The following MAGI2 variants were observed in gnomAD, a reference collection of about 807,000 sequenced individuals.
The protein encoded by MAGI2 is membrane-associated guanylate kinase, WW and PDZ domain-containing protein 2.
MAGI2 carries 35 observed loss-of-function variants against 133.3 expected under a neutral mutation model. The ratio of observed to expected loss-of-function variants is 0.26; its 90% CI spans 0.20 to 0.35. The LOEUF is 0.35. Among genes scored for constraint, MAGI2 ranks in the 10% least tolerant of loss-of-function variants. The pLI, the probability that MAGI2 is intolerant of heterozygous loss-of-function variation, is 1.00. For synonymous variants in MAGI2, 729 were observed against 710.6 expected (o/e 1.03, Z -0.41); for missense variants, 1,636 against 1,863.4 (o/e 0.88, Z 2.25).
At chr7:78,986,573 G>T (rs891310761) in intron 2 of MAGI2, among the ~76,000 whole-genome samples, 1 of 151,874 alleles carries the variant, frequency 6.6e-6, no homozygotes, top group Non-Finnish European at 1.5e-5. Context: ...CAAAGTAGAG[G>T]TGCAGTGGTG....
intron 3 of MAGI2, among the ~76,000 whole-genome samples, chr7:78,573,313 A>AATATATAAATAT (rs1181935965): frequency 6.0e-4 from 26 of 43,452 alleles, no homozygotes; most frequent in Admixed American, 1.9e-3. Context: ...TATATATATA[A>AATATATAAATAT]ATATATAAAT....
At chr7:78,652,235 C>G (rs1811655143) in intron 2 of MAGI2, among the ~76,000 whole-genome samples, 1 of 152,134 alleles carries the variant, frequency 6.6e-6, no homozygotes, top group Non-Finnish European at 1.5e-5. Context: ...GATTTCCTCA[C>G]TTGGATCTAT....
At chr7:78,477,114 G>C (rs1563057202) in intron 6 of MAGI2, among the ~76,000 whole-genome samples, 1 of 39,368 alleles carries the variant, frequency 2.5e-5, no homozygotes, top group Non-Finnish European at 4.0e-5. Flanking sequence ...CCATTTCTGA[G>C]AGAACTTTAT....
chr7:79,110,830 AG>A (rs1818867255), intron 1 of MAGI2, among the ~76,000 whole-genome samples: 1 of 152,128 alleles, frequency 6.6e-6, no homozygotes, highest in African/African-American at 2.4e-5. Flanking sequence ...TTTGGGTCAT[AG>A]GGGCAGATCC....
intron 1 of MAGI2, among the ~76,000 whole-genome samples, chr7:79,288,306 T>C (rs1387353764): frequency 6.6e-6 from 1 of 152,166 alleles, no homozygotes; most frequent in Non-Finnish European, 1.5e-5. Flanking sequence ...TTAAATGAGA[T>C]AGTCTCTATA....
chr7:79,443,729 C>T (rs1379975890), intron 1 of MAGI2, among the ~76,000 whole-genome samples: 4 of 152,192 alleles, frequency 2.6e-5, no homozygotes, highest in Admixed American at 6.5e-5. Context: ...TTTTGTGCTA[C>T]ACTTGATCCA....
Position 78,187,280 on chromosome 7 carries a change from CATT to C in MAGI2, c.2270-1613_2270-1611del, listed in dbSNP as rs762257199. Among the ~76,000 whole-genome samples, 5 of 151,880 alleles carry C rather than the reference CATT, an allele frequency of 3.3e-5. No individual in the cohort carries two copies. The East Asian group carries it at 9.6e-4, about 29-fold the overall frequency. ...TTGTTGCTTGGAAGAAATTTCATAC[CATT>C]ATTATTATTTTGGTCTATAAAATTA... On this transcript the variant is annotated intron_variant, in intron 12 of 21. Transcript: ENST00000354212.
intron 2 of MAGI2, among the ~76,000 whole-genome samples, chr7:78,909,495 C>A (rs1798237985): frequency 6.7e-6 from 1 of 149,118 alleles, no homozygotes; most frequent in Non-Finnish European, 1.5e-5. Context: ...TCCAGCTATT[C>A]CGGAGGCTGA....
rs540856534 is a variant in MAGI2 at position 79,306,205 on chromosome 7, A to G, written c.301+146815T>C. ...TATATACACATATATATATACATGT[A>G]TATATATATGTGTATATATATTTTA... On this transcript the variant is annotated intron_variant, in intron 1 of 21. Transcript: ENST00000354212. Among the ~76,000 whole-genome samples the G allele has an allele frequency of 4.9e-3, 715 of 145,658 alleles. 3 individuals are homozygous for G. Among genetic ancestry groups the G allele is most frequent in the Non-Finnish European group, 8.1e-3 (538 of 66,636 alleles).
chr7:79,127,650 G>A (rs910435799), intron 1 of MAGI2, among the ~76,000 whole-genome samples: 2 of 152,110 alleles, frequency 1.3e-5, no homozygotes, highest in African/African-American at 2.4e-5. Context: ...GGGGTTGTTT[G>A]TCTTTTTCTT....
At chr7:79,382,511 C>T (rs532460373) in intron 1 of MAGI2, among the ~76,000 whole-genome samples, 12 of 151,638 alleles carry the variant, frequency 7.9e-5, no homozygotes, top group African/African-American at 2.2e-4. Flanking sequence ...ACCTAAATCA[C>T]AGCTCTAATC....
At chr7:79,037,712 T>C (rs981784784) in intron 1 of MAGI2, among the ~76,000 whole-genome samples, 15 of 152,230 alleles carry the variant, frequency 9.9e-5, no homozygotes, top group African/African-American at 3.6e-4. Context: ...AGATGATTTG[T>C]TTGAATGACC....
rs1479129147 is a variant in MAGI2, at chr7:79,015,996, AGCGGGGG to A, written c.302-8797_302-8791del. ...TCTAGCCCTCAATGACTCCTGGAGA[AGCGGGGG>A]GGGGGGGTGGGGGTTGAGCAGGCAA... On this transcript the variant is annotated intron_variant, in intron 1 of 21. Coordinates refer to ENST00000354212, the MANE Select transcript of MAGI2 (RefSeq NM_012301.4). Among the ~76,000 whole-genome samples, 29 of 32,308 alleles carry A rather than the reference AGCGGGGG, an allele frequency of 9.0e-4. 1 individual carries two copies. The highest frequency in any genetic ancestry group is 2.6e-3 in the African/African-American group (27 of 10,556). The allele number at this position is 32,308 out of a possible 152,430, so 21.2% of individuals were successfully genotyped here.
At chr7:78,725,035 A>T (rs1369026930) in intron 2 of MAGI2, among the ~76,000 whole-genome samples, 3 of 152,244 alleles carry the variant, frequency 2.0e-5, no homozygotes, top group Non-Finnish European at 2.9e-5. Context: ...ACTGGAATGA[A>T]GGAGGATTGC....
At chr7:79,423,972 A>G (rs916307516) in intron 1 of MAGI2, among the ~76,000 whole-genome samples, 1 of 152,178 alleles carries the variant, frequency 6.6e-6, no homozygotes, top group African/African-American at 2.4e-5. Flanking sequence ...TTATTTAACT[A>G]TGTATATATA....
intron 2 of MAGI2, among the ~76,000 whole-genome samples, chr7:78,790,891 A>C (rs773910326): frequency 6.6e-6 from 1 of 152,224 alleles, no homozygotes; most frequent in Non-Finnish European, 1.5e-5. Context: ...TTAATCTTTG[A>C]GGAATAAAGT....
At chr7:78,658,572 A>C (rs1812561724) in intron 2 of MAGI2, among the ~76,000 whole-genome samples, 2 of 152,334 alleles carry the variant, frequency 1.3e-5, no homozygotes, top group South Asian at 4.1e-4. Context: ...ATATCACCAC[A>C]TATCTGACAA....
At chr7:78,862,843 C>T (rs1794259125) in intron 2 of MAGI2, among the ~76,000 whole-genome samples, 1 of 152,140 alleles carries the variant, frequency 6.6e-6, no homozygotes, top group African/African-American at 2.4e-5. Context: ...TAAAAGGTGG[C>T]AATACTTTAC....
intron 3 of MAGI2, among the ~76,000 whole-genome samples, chr7:78,550,747 C>T (rs1288459970): frequency 7.0e-6 from 1 of 142,378 alleles, no homozygotes; most frequent in East Asian, 2.0e-4. Context: ...GTTGAGCATC[C>T]TCTGAACAGT....
Sources: allele counts gnomAD v4.1 joint callset (sites outside exome capture counted in the v4.1 genomes callset), GRCh38; gene constraint gnomAD v4.1.1; transcripts MANE v1.5; gene names NCBI Gene and HGNC (gene_info 2026-07-23, HGNC 2026-07-21).